RAD54B: variants seen among roughly 807,000 people sequenced by gnomAD.
RAD54B encodes the protein RAD54 homolog B, also known as DNA repair and recombination protein RAD54B.
A neutral mutation model predicts 95.8 loss-of-function variants in RAD54B; 78 were observed. The ratio of observed to expected loss-of-function variants is 0.81; its 90% CI spans 0.68 to 0.98. The LOEUF (loss-of-function observed/expected upper bound fraction) is 0.98. Among genes scored for constraint, RAD54B ranks in the 50% least tolerant of loss-of-function variants. The pLI is 0.00. For missense variants in RAD54B, 957 were observed against 1,056.6 expected, an observed-to-expected ratio of 0.91 and a Z score of 1.31; for synonymous variants, 328 against 354.9, an observed-to-expected ratio of 0.92 and a Z score of 0.85.
chr8:94,458,211 A>G, intron 3 of RAD54B, 57 bp downstream of exon 3: 2 of 1,403,364 alleles, frequency 1.4e-6, no homozygotes, highest in East Asian at 2.6e-5. Context: ...CATCATTTAA[A>G]GAATACTGTA....
In RAD54B at chr8:94,450,139, A is replaced by G. The variant is rs577281164; in HGVS notation, c.304+8129T>C. On this transcript the variant is annotated intron_variant, in intron 3 of 14. Transcript: ENST00000336148. Reference sequence around the variant, plus strand: ...CTCAATTGTCTGTGGAGAATTTTCTATGGGGAAAAAGATATAGTGGCTCTG... The same window carrying G: ...CTCAATTGTCTGTGGAGAATTTTCTGTGGGGAAAAAGATATAGTGGCTCTG... 2.4e-4 allele frequency among the ~76,000 whole-genome samples: 36 copies of G among 152,308 alleles called. No homozygotes were observed. The South Asian group carries it at 2.5e-3, about 11-fold the overall frequency.
At chr8:94,378,686 T>G (rs1446157259) in intron 12 of RAD54B, 52 bp from the exon 13 acceptor site, 1 of 1,225,868 alleles carries the variant, frequency 8.2e-7, no homozygotes, top group South Asian at 1.3e-5. Context: ...TAATGGCCCC[T>G]TCCACACATG....
At chr8:94,435,717 C>G (rs558955490) in intron 3 of RAD54B, among the ~76,000 whole-genome samples, 1 of 151,856 alleles carries the variant, frequency 6.6e-6, no homozygotes, top group African/African-American at 2.4e-5. Flanking sequence ...TCTAAAAAAA[C>G]CCAGTTGCTC....
intron 14 of RAD54B, among the ~76,000 whole-genome samples, chr8:94,375,596 C>G (rs1217191007): frequency 6.6e-6 from 1 of 152,060 alleles, no homozygotes; most frequent in Non-Finnish European, 1.5e-5. Context: ...TCAGGTATGC[C>G]TTTATCAGCA....
intron 4 of RAD54B, 59 bp from the exon 5 acceptor site, chr8:94,407,779 C>A: frequency 7.0e-7 from 1 of 1,423,842 alleles, no homozygotes; most frequent in South Asian, 1.4e-5. Context: ...GTCACCTTCC[C>A]GTAACTGTAC....
chr8:94,436,010 A>G (rs1302730594), intron 3 of RAD54B, among the ~76,000 whole-genome samples: 2 of 152,144 alleles, frequency 1.3e-5, no homozygotes, highest in African/African-American at 4.8e-5. Flanking sequence ...GATTTTGTTT[A>G]TATTTGTTAG....
intron 3 of RAD54B, 128 bp from the exon 4 acceptor site, chr8:94,411,443 G>T: frequency 2.9e-6 from 2 of 692,400 alleles, no homozygotes; most frequent in Non-Finnish European, 4.5e-6. Flanking sequence ...AAGAATATTT[G>T]ATCATACTCA....
rs577668119 is a variant in RAD54B, at chr8:94,399,544, G to A, written c.1248C>T (p.Ser416=). ...LIISYEMLLR[S]LDQIKNIKFD... ...ATTTTATATTCTTAATTTGATCCAG[G>A]GAACGAAGTAACATTTCATAACTGA... The change falls in exon 8 of 15, where the codon TCC becomes TCT. Residue 416 remains serine (S), a synonymous_variant. Transcript: ENST00000336148. 1 of 1,612,906 alleles carries A rather than the reference G, an allele frequency of 6.2e-7. No individual in the cohort carries two copies. Among genetic ancestry groups the A allele is most frequent in the East Asian group, 2.2e-5 (1 of 44,844 alleles).
chr8:94,386,942 A>T (rs748142609), intron 11 of RAD54B, 42 bp downstream of exon 11: 10 of 1,397,574 alleles, frequency 7.2e-6, no homozygotes, highest in Admixed American at 5.2e-5. Flanking sequence ...AGTGCAAACT[A>T]AAACTCTATG....
At chr8:94,373,379 T>C (rs1051557876) in intron 14 of RAD54B, among the ~76,000 whole-genome samples, 1 of 141,400 alleles carries the variant, frequency 7.1e-6, no homozygotes, top group Non-Finnish European at 1.5e-5. Flanking sequence ...CCAGCCTCCC[T>C]TACGGTTAGA....
intron 3 of RAD54B, chr8:94,436,857 C>T (rs1460938181): frequency 1.3e-6 from 2 of 1,528,352 alleles, no homozygotes; most frequent in South Asian, 1.3e-5. Flanking sequence ...AAGATCTAGC[C>T]TTTCCTACCA....
chr8:94,421,376 A>T (rs1337380357), intron 3 of RAD54B, among the ~76,000 whole-genome samples: 3 of 152,022 alleles, frequency 2.0e-5, no homozygotes, highest in Non-Finnish European at 4.4e-5. Context: ...TCTACCTTTT[A>T]TCTATTGGAG....
intron 2 of RAD54B, among the ~76,000 whole-genome samples, chr8:94,466,245 G>A (rs1813021694): frequency 1.3e-5 from 2 of 152,104 alleles, no homozygotes; most frequent in Non-Finnish European, 2.9e-5. Context: ...AAGGATCAGG[G>A]AATTGCAGAG....
intron 3 of RAD54B, among the ~76,000 whole-genome samples, chr8:94,442,027 G>A (rs746789011): frequency 6.6e-5 from 10 of 152,068 alleles, no homozygotes; most frequent in Non-Finnish European, 1.2e-4. Flanking sequence ...TAAAGAAAAT[G>A]AACTGCATAT....
intron 3 of RAD54B, among the ~76,000 whole-genome samples, chr8:94,450,696 A>G (rs1257509026): frequency 5.9e-5 from 9 of 152,292 alleles, no homozygotes; most frequent in African/African-American, 2.2e-4. Context: ...CCTGGCCAAC[A>G]TGGCAAAACC....
In RAD54B at chr8:94,431,161, T is replaced by C. The variant is rs960444137; in HGVS notation, c.305-19846A>G. The C allele has an allele frequency of 1.4e-5, 13 of 918,708 alleles. No homozygotes were observed. In the African/African-American group the frequency reaches 2.3e-4, roughly 16 times the overall value. The allele number at this position is 918,708 out of a possible 1,614,324, so 56.9% of individuals were successfully genotyped here. On this transcript the variant is annotated intron_variant, in intron 3 of 14. Transcript: ENST00000336148. ...TATGTATGCTTTAAGAATTGAGGTTTTATTTCCATGAATACTAAAATAACA... is the reference window on the plus strand; with the variant it reads ...TATGTATGCTTTAAGAATTGAGGTTCTATTTCCATGAATACTAAAATAACA...
intron 8 of RAD54B, among the ~76,000 whole-genome samples, chr8:94,399,006 A>T (rs537676947): frequency 6.6e-6 from 1 of 152,138 alleles, no homozygotes. Flanking sequence ...AGAACTTTAC[A>T]TTGATTAACT....
intron 3 of RAD54B, among the ~76,000 whole-genome samples, chr8:94,457,809 T>C (rs929252644): frequency 6.6e-6 from 1 of 152,196 alleles, no homozygotes; most frequent in Non-Finnish European, 1.5e-5. Flanking sequence ...AGTTCAACAA[T>C]AGAGGGATGG....
At chr8:94,420,562 A>G (rs1191527091) in intron 3 of RAD54B, among the ~76,000 whole-genome samples, 1 of 152,036 alleles carries the variant, frequency 6.6e-6, no homozygotes, top group African/African-American at 2.4e-5. Context: ...CCTACTTAAT[A>G]AACTCCTTTC....
Sources: allele counts gnomAD v4.1 joint callset (sites outside exome capture counted in the v4.1 genomes callset), GRCh38; gene constraint gnomAD v4.1.1; transcripts MANE v1.5; gene names NCBI Gene and HGNC (gene_info 2026-07-23, HGNC 2026-07-21).